THSD7A: variants seen among roughly 807,000 people sequenced by gnomAD.
THSD7A encodes thrombospondin type-1 domain-containing protein 7A.
In THSD7A, 96 loss-of-function variants were observed where a neutral mutation model predicts 231.3. The observed-to-expected ratio is 0.41, with a 90% CI of 0.35 to 0.49. The LOEUF (loss-of-function observed/expected upper bound fraction) is 0.49. Among genes scored for constraint, THSD7A ranks in the 20% least tolerant of loss-of-function variants. The pLI, the probability that THSD7A is intolerant of heterozygous loss-of-function variation, is 0.05. For missense variants in THSD7A, 2,290 were observed against 2,070.2 expected (o/e 1.11, Z -2.06); for synonymous variants, 940 against 743.3 (o/e 1.26, Z -4.30).
intron 11 of THSD7A, among the ~76,000 whole-genome samples, chr7:11,450,637 T>C (rs1785113731): frequency 6.6e-6 from 1 of 152,026 alleles, no homozygotes; most frequent in Non-Finnish European, 1.5e-5. Flanking sequence ...ATCTTAAAAA[T>C]CATTTCTGAA....
intron 6 of THSD7A, among the ~76,000 whole-genome samples, chr7:11,507,943 C>T (rs1787623492): frequency 6.6e-6 from 1 of 152,186 alleles, no homozygotes; most frequent in African/African-American, 2.4e-5. Context: ...AATTGACTCA[C>T]AGTTCTGCAT....
Position 11,525,538 on chromosome 7 carries a change from T to A in THSD7A, c.1822+15881A>T, listed in dbSNP as rs573479528. 3.3e-5 allele frequency among the ~76,000 whole-genome samples: 5 copies of A among 152,190 alleles called. No homozygotes were observed. The South Asian group carries it at 1.0e-3, about 32-fold the overall frequency. ...TATAGTAATACAACTATACAACTAT[T>A]TCTGGCACATAAAATATATTTAAAA... On this transcript the variant is annotated intron_variant, in intron 6 of 27. Coordinates refer to ENST00000423059, the MANE Select transcript of THSD7A (RefSeq NM_015204.3).
chr7:11,738,572 C>A (rs978889474), intron 1 of THSD7A, among the ~76,000 whole-genome samples: 2 of 151,952 alleles, frequency 1.3e-5, no homozygotes, highest in Admixed American at 1.3e-4. Flanking sequence ...TTCTTAAATT[C>A]TTTGTGCCTC....
chr7:11,415,590 T>C (rs962061014), intron 17 of THSD7A, among the ~76,000 whole-genome samples: 18 of 152,162 alleles, frequency 1.2e-4, no homozygotes, highest in African/African-American at 4.3e-4. Flanking sequence ...CCTTTTTCTC[T>C]TCGAACATTC....
intron 1 of THSD7A, among the ~76,000 whole-genome samples, chr7:11,800,928 T>A (rs1583301867): frequency 6.6e-6 from 1 of 151,962 alleles, no homozygotes; most frequent in Non-Finnish European, 1.5e-5. Flanking sequence ...ACAAAGAAAT[T>A]TCTGGAGGTG....
intron 7 of THSD7A, among the ~76,000 whole-genome samples, chr7:11,475,572 G>A (rs1414013467): frequency 6.8e-6 from 1 of 147,346 alleles, no homozygotes; most frequent in African/African-American, 2.5e-5. Flanking sequence ...TAACATATAT[G>A]TATATATAAC....
At position 11,636,721 on chromosome 7, in the gene THSD7A, A is replaced by C. The variant is rs764313707; in HGVS notation, c.431T>G (p.Leu144Arg). Residue 144 changes from leucine (L) to arginine (R), a missense_variant, in exon 2 of 28, where the codon CTT becomes CGT. By Grantham distance (102) the Leu-to-Arg change is moderately radical. Coordinates refer to ENST00000423059, the MANE Select transcript of THSD7A (RefSeq NM_015204.3). This position sits in a 1 kb window ranked among gnomAD's most constrained non-coding sequence, Gnocchi z 10.0. ...PVISKSLEKP[L>R]ECIKGEEGIQ... ...ACCTTCTTCCCCCTTAATGCACTCA[A>C]GAGGTTTCTCTAGGCTTTTTGAAAT... 2 of 1,613,942 alleles carry C rather than the reference A, an allele frequency of 1.2e-6. No individual in the cohort carries two copies. The highest frequency in any genetic ancestry group is 4.5e-5 in the East Asian group (2 of 44,872).
At chr7:11,800,324 A>T (rs1583301351) in intron 1 of THSD7A, among the ~76,000 whole-genome samples, 1 of 152,114 alleles carries the variant, frequency 6.6e-6, no homozygotes, top group Non-Finnish European at 1.5e-5. Flanking sequence ...CGAGGTGAGA[A>T]GATCGCCTGA....
chr7:11,792,505 T>C (rs115850187), intron 1 of THSD7A, among the ~76,000 whole-genome samples: 1,949 of 151,914 alleles, frequency 0.013, 45 homozygotes, highest in African/African-American at 0.045. Flanking sequence ...GACAATCTAA[T>C]CACAGCTCCA....
At chr7:11,376,694 G>T in intron 26 of THSD7A, 37 bp from the exon 27 acceptor site, 1 of 1,468,700 alleles carries the variant, frequency 6.8e-7, no homozygotes, top group Non-Finnish European at 9.3e-7. Context: ...ATTTACATTA[G>T]TCTGGTATAC....
intron 1 of THSD7A, among the ~76,000 whole-genome samples, chr7:11,690,841 C>A (rs1375997135): frequency 6.6e-6 from 1 of 151,696 alleles, no homozygotes; most frequent in Non-Finnish European, 1.5e-5. Flanking sequence ...ATGCTTCCTT[C>A]AACAATTTTT....
At position 11,593,565 on chromosome 7, in the gene THSD7A, C is replaced by T. The variant is rs188686704; in HGVS notation, c.1023-63G>A. ...AGGCAGTTATGAACTTTGTCTTCTA[C>T]GCTCAAGAGTGAATCAGCTTGGGCA... is the stretch of plus-strand genomic sequence containing the variant. On this transcript the variant is annotated intron_variant, in intron 2 of 27. Transcript: ENST00000423059. 1.5e-4 allele frequency: 238 copies of T among 1,557,192 alleles called. 2 individuals are homozygous for T. In the Admixed American group the frequency reaches 3.9e-3, roughly 26 times the overall value.
chr7:11,823,269 G>A (rs1403677257), intron 1 of THSD7A, among the ~76,000 whole-genome samples: 1 of 151,934 alleles, frequency 6.6e-6, no homozygotes, highest in African/African-American at 2.4e-5. Flanking sequence ...TTTAAAATAT[G>A]TGACCTTATT....
chr7:11,722,817 T>C (rs892168183), intron 1 of THSD7A, among the ~76,000 whole-genome samples: 5 of 151,928 alleles, frequency 3.3e-5, no homozygotes, highest in Admixed American at 6.6e-5. Flanking sequence ...CATTAAAAAG[T>C]CAGGAAACAA....
In THSD7A at chr7:11,764,686, T is replaced by G. The variant is rs139952988; in HGVS notation, c.190+67071A>C. Among the ~76,000 whole-genome samples the G allele has an allele frequency of 7.9e-3, 1,196 of 152,254 alleles. 11 individuals are homozygous for G. The highest frequency in any genetic ancestry group is 0.027 in the African/African-American group (1,108 of 41,568). The stretch of plus-strand genomic sequence containing the variant: ...TATTTTTAAAACCTAAATTCTGGTT[T>G]TATCATAATTTTTAGTAATTATGGA... On this transcript the variant is annotated intron_variant, in intron 1 of 27. Coordinates refer to ENST00000423059, the MANE Select transcript of THSD7A (RefSeq NM_015204.3).
At chr7:11,509,285 G>C (rs1787690783) in intron 6 of THSD7A, among the ~76,000 whole-genome samples, 1 of 152,038 alleles carries the variant, frequency 6.6e-6, no homozygotes, top group South Asian at 2.1e-4. Flanking sequence ...GCAAGTACTA[G>C]AGCAGTGATG....
At chr7:11,506,323 C>T (rs1787543181) in intron 6 of THSD7A, among the ~76,000 whole-genome samples, 1 of 152,150 alleles carries the variant, frequency 6.6e-6, no homozygotes, top group Non-Finnish European at 1.5e-5. Flanking sequence ...CTGTTAATTA[C>T]ATATTTTCTT....
Position 11,393,371 on chromosome 7 carries a change from A to G in THSD7A, c.4411+8424T>C, listed in dbSNP as rs147122015. Among the ~76,000 whole-genome samples the G allele has an allele frequency of 1.4e-3, 214 of 152,326 alleles. 2 individuals carry two copies. Among genetic ancestry groups the G allele is most frequent in the African/African-American group, 5.0e-3 (206 of 41,562 alleles). On this transcript the variant is annotated intron_variant, in intron 23 of 27. Coordinates refer to ENST00000423059, the MANE Select transcript of THSD7A (RefSeq NM_015204.3). ...AGAGACCCCGAACTGAAGGTAACCAACATCAAAGGTAGATAAATCCATGAA... is the reference window on the plus strand; with the variant it reads ...AGAGACCCCGAACTGAAGGTAACCAGCATCAAAGGTAGATAAATCCATGAA...
chr7:11,709,871 G>C (rs1780892660), intron 1 of THSD7A, among the ~76,000 whole-genome samples: 1 of 150,806 alleles, frequency 6.6e-6, no homozygotes, highest in Non-Finnish European at 1.5e-5. Context: ...AAAGCAGAAA[G>C]TAATCTGGCT....
Sources: gnomAD v4.1 joint callset for allele counts (sites outside exome capture counted in the v4.1 genomes callset) on GRCh38, gnomAD v4.1.1 for gene constraint, Gnocchi (gnomAD v3.1) non-coding constraint, MANE v1.5 for transcripts, NCBI Gene and HGNC (gene_info 2026-07-23, HGNC 2026-07-21) for gene names.